The following TSNAXIP1 variants were observed in gnomAD, a reference collection of about 807,000 sequenced individuals.
TSNAXIP1 encodes the protein translin-associated factor X-interacting protein 1.
A neutral mutation model predicts 84.8 loss-of-function variants in TSNAXIP1; 89 were observed. That is an observed-to-expected ratio of 1.05 (90% CI 0.88 to 1.25). TSNAXIP1 has a LOEUF of 1.25. Ranked by LOEUF, TSNAXIP1 falls within the 50% of genes most tolerant of loss-of-function variation. TSNAXIP1 has a pLI of 0.00. For missense variants in TSNAXIP1, 874 were observed against 887.6 expected (o/e 0.98, Z 0.20); for synonymous variants, 347 against 335.2 (o/e 1.04, Z -0.39).
intron 2 of TSNAXIP1, among the ~76,000 whole-genome samples, chr16:67,814,744 T>A (rs1202154068): frequency 6.6e-6 from 1 of 152,184 alleles, no homozygotes. Context: ...CACCAGGCAC[T>A]GTGCTACCTG....
At position 67,827,369 on chromosome 16, in the gene TSNAXIP1, T is replaced by C; in HGVS notation, c.1785T>C (p.Phe595=). Residue 595 remains phenylalanine, a synonymous_variant, in exon 14 of 16, where the codon TTT becomes TTC. Coordinates refer to ENST00000561639, the MANE Select transcript of TSNAXIP1 (RefSeq NM_001288990.3). ...NADLLNYRSL[F]MEDEEGQSEP... ...ACTTGCTCAACTACCGCTCACTGTT[T>C]ATGGAGGTGGGTGTGTGGGGTCCGG... 3.1e-6 allele frequency: 5 copies of C among 1,614,188 alleles called. No homozygotes were observed. The highest frequency in any genetic ancestry group is 1.3e-5 in the African/African-American group (1 of 75,052).
intron 2 of TSNAXIP1, among the ~76,000 whole-genome samples, chr16:67,817,951 C>T (rs1226901163): frequency 6.6e-6 from 1 of 151,998 alleles, no homozygotes; most frequent in African/African-American, 2.4e-5. Context: ...TGGCTCACAC[C>T]TGTAATCCCA....
At chr16:67,815,553 G>A (rs888887966) in intron 2 of TSNAXIP1, among the ~76,000 whole-genome samples, 3 of 152,058 alleles carry the variant, frequency 2.0e-5, no homozygotes, top group Non-Finnish European at 4.4e-5. Context: ...TGGCTGGAGT[G>A]CAGTGGCACA....
At chr16:67,825,032 C>G in intron 6 of TSNAXIP1, 105 bp from the exon 7 acceptor site, 2 of 1,455,236 alleles carry the variant, frequency 1.4e-6, no homozygotes, top group Non-Finnish European at 1.9e-6. Flanking sequence ...TTCCTGTTCA[C>G]AGTCCCTGAT....
At chr16:67,815,023 TA>T (rs979329190) in intron 2 of TSNAXIP1, among the ~76,000 whole-genome samples, 96 of 143,648 alleles carry the variant, frequency 6.7e-4, no homozygotes, top group Middle Eastern at 3.5e-3. Flanking sequence ...AAATTTAAAT[TA>T]AAAAAAAAAA....
chr16:67,816,114 C>A (rs771049934), intron 2 of TSNAXIP1, among the ~76,000 whole-genome samples: 1 of 151,780 alleles, frequency 6.6e-6, no homozygotes, highest in African/African-American at 2.4e-5. Flanking sequence ...GACAGACGCC[C>A]GCCAACACAC....
In TSNAXIP1 at chr16:67,827,020, A is replaced by C. The variant is rs112353790; in HGVS notation, c.1612A>C (p.Met538Leu). 5.9e-4 allele frequency: 959 copies of C among 1,614,128 alleles called. 7 individuals are homozygous for C. In the African/African-American group the frequency reaches 0.011, roughly 18 times the overall value. The change falls in exon 13 of 16, where the codon ATG (methionine) becomes CTG (leucine). Residue 538 changes from methionine (M) to leucine (L), a missense_variant. By Grantham distance (15) the Met-to-Leu change is conservative (BLOSUM62 2). Coordinates refer to ENST00000561639, the MANE Select transcript of TSNAXIP1 (RefSeq NM_001288990.3). ...KETVAQLLKE[M>L]TNADSQNEGL... ...GACAGTAGCCCAGCTGCTGAAGGAG[A>C]TGACAAATGCTGACAGTCAGAACGA...
At chr16:67,807,511 C>CTGGA in intron 1 of TSNAXIP1, 1 of 894,692 alleles carries the variant, frequency 1.1e-6, no homozygotes, top group Non-Finnish European at 1.5e-6. Context: ...GTCGCCCAGG[C>CTGGA]TGGAGTGCAG....
At chr16:67,823,573 A>G (rs993816746) in intron 4 of TSNAXIP1, 53 bp from the exon 5 acceptor site, 3 of 1,458,008 alleles carry the variant, frequency 2.1e-6, no homozygotes, top group Non-Finnish European at 9.6e-7. Context: ...ACAGTTCCCC[A>G]CTAAGGTTGG....
Position 67,826,014 on chromosome 16 carries a change from T to C in TSNAXIP1, c.1082T>C (p.Phe361Ser), listed in dbSNP as rs1230893026. 1.1e-5 allele frequency: 17 copies of C among 1,613,860 alleles called. No individual in the cohort carries two copies. Among genetic ancestry groups the C allele is most frequent in the Non-Finnish European group, 1.4e-5 (17 of 1,180,006 alleles). ...MSTLKERDQF[F>S]SELQEIQRTS... ...ACGCTGAAGGAACGGGACCAATTCT[T>C]CTCTGAGCTGCAGGAGATCCAGCGC... Residue 361 changes from phenylalanine to serine, a missense_variant, in exon 9 of 16, where the codon TTC (phenylalanine) becomes TCC (serine). By Grantham distance (155) the Phe-to-Ser change is radical. Transcript: ENST00000561639.
In TSNAXIP1 at chr16:67,823,640, C is replaced by T; in HGVS notation, c.402C>T (p.Ile134=). The change falls in exon 5 of 16, where the codon ATC becomes ATT. Residue 134 remains isoleucine, a synonymous_variant. Transcript: ENST00000561639. The stretch of plus-strand genomic sequence containing the variant: ...TTTCTTGCCAGCCTTACAGAGAGAT[C>T]TTTGAGTTCTTCATAGAGGACTTCA... The part of the protein sequence containing the change: ...QELRLQPYRE[I]FEFFIEDFKT... The T allele has an allele frequency of 6.2e-7, 1 of 1,613,814 alleles. No homozygotes were observed. Among genetic ancestry groups the T allele is most frequent in the South Asian group, 1.1e-5 (1 of 91,066 alleles).
Position 67,807,172 on chromosome 16 carries a change from A to G in TSNAXIP1, c.23A>G (p.Tyr8Cys). The G allele has an allele frequency of 1.3e-6, 2 of 1,535,846 alleles. No homozygotes were observed. The highest frequency in any genetic ancestry group is 1.7e-6 in the Non-Finnish European group (2 of 1,146,876). ...GTCATGGCCTGCCAGCAGTCGCGGT[A>G]CCACAGCTTCTCGTCCGCGTCGAGG... MACQQSR[Y>C]HSFSSASRLQ... Residue 8 changes from tyrosine (Y) to cysteine (C), a missense_variant, in exon 1 of 16, where the codon TAC (tyrosine) becomes TGC (cysteine). Tyr to Cys is a radical substitution (Grantham distance 194, BLOSUM62 -2). Transcript: ENST00000561639.
chr16:67,821,002 G>A lies in TSNAXIP1; in HGVS notation c.260+51G>A, dbSNP rs1009920391. The stretch of plus-strand genomic sequence containing the variant: ...GGTGAGCTGGCATGGGCCAGGCTTT[G>A]GGCCAGGAGACAGGGCAGGGGCGTG... On this transcript the variant is annotated intron_variant, in intron 3 of 15. Coordinates refer to ENST00000561639, the MANE Select transcript of TSNAXIP1 (RefSeq NM_001288990.3). The A allele has an allele frequency of 6.3e-6, 10 of 1,589,946 alleles. No individual in the cohort carries two copies. The Middle Eastern group carries it at 5.2e-4, about 83-fold the overall frequency.
rs369175380 is a variant in TSNAXIP1, at chr16:67,820,824, T to A, written c.148-15T>A. The A allele has an allele frequency of 6.6e-7, 1 of 1,507,512 alleles. No individual in the cohort carries two copies. The highest frequency in any genetic ancestry group is 8.9e-7 in the Non-Finnish European group (1 of 1,125,046). The allele number at this position is 1,507,512 out of a possible 1,614,324, so 93.4% of individuals were successfully genotyped here. A position where few individuals can be genotyped will look rare whatever the true frequency, so the allele number is the denominator to read the frequency against. On this transcript the variant is annotated splice_polypyrimidine_tract_variant and intron_variant, in intron 2 of 15. Coordinates refer to ENST00000561639, the MANE Select transcript of TSNAXIP1 (RefSeq NM_001288990.3). Reference sequence around the variant, plus strand: ...GCAATGTTGCCATGGCAACCCCACCTGTACCTCCCTGCAGACTGGTCAGTT... The same window carrying A: ...GCAATGTTGCCATGGCAACCCCACCAGTACCTCCCTGCAGACTGGTCAGTT...
intron 14 of TSNAXIP1, 44 bp downstream of exon 14, chr16:67,827,419 C>A: frequency 6.2e-7 from 1 of 1,613,984 alleles, no homozygotes. Flanking sequence ...CCTGCCCTAG[C>A]CTTGGCTGGA....
chr16:67,825,385 C>A, intron 7 of TSNAXIP1, 113 bp downstream of exon 7: 2 of 1,432,048 alleles, frequency 1.4e-6, no homozygotes, highest in Non-Finnish European at 1.9e-6. Flanking sequence ...ATTCCATAAC[C>A]ATTCAGAGGG....
chr16:67,808,615 G>A (rs577682144), intron 1 of TSNAXIP1, among the ~76,000 whole-genome samples: 35 of 152,038 alleles, frequency 2.3e-4, no homozygotes, highest in African/African-American at 8.4e-4. Context: ...GCAGGCACCT[G>A]TATTCCCAGC....
chr16:67,825,674 G>C lies in TSNAXIP1; in HGVS notation c.822G>C (p.Trp274Cys), dbSNP rs181667122. The change falls in exon 8 of 16, where the codon TGG (tryptophan) becomes TGC (cysteine). Residue 274 changes from tryptophan to cysteine, a missense_variant. Trp to Cys is a radical substitution (Grantham distance 215). Transcript: ENST00000561639. Reference protein sequence around the residue: ...DMSLAQSPGIWGEDPVKLTLA... With the variant: ...DMSLAQSPGICGEDPVKLTLA... The stretch of plus-strand genomic sequence containing the variant: ...GGCCCCTTCCCCTGGCAGGCATCTG[G>C]GGGGAGGACCCTGTGAAGTTAACCC... The C allele has an allele frequency of 1.1e-3, 1,711 of 1,610,848 alleles. 24 individuals carry two copies. The South Asian group carries it at 0.018, about 16-fold the overall frequency.
intron 9 of TSNAXIP1, 26 bp downstream of exon 9, chr16:67,826,102 G>A: frequency 6.2e-7 from 1 of 1,613,290 alleles, no homozygotes; most frequent in Non-Finnish European, 8.5e-7. Context: ...AGGGCCCCAG[G>A]TCCTGCTTAC....
Sources: allele counts gnomAD v4.1 joint callset (sites outside exome capture counted in the v4.1 genomes callset), GRCh38; gene constraint gnomAD v4.1.1; transcripts MANE v1.5; gene names NCBI Gene and HGNC (gene_info 2026-07-23, HGNC 2026-07-21).